The following ZNF550 variants were observed in gnomAD, a reference collection of about 807,000 sequenced individuals.
ZNF550 encodes zinc finger protein 550.
Under a neutral mutation model 40.2 loss-of-function variants are expected in ZNF550, and 42 were observed. The ratio of observed to expected loss-of-function variants is 1.05; its 90% CI spans 0.82 to 1.35. The LOEUF is 1.35. Ranked by LOEUF, ZNF550 falls within the 40% of genes most tolerant of loss-of-function variation. The pLI is 0.00. For missense variants in ZNF550, 549 were observed against 525.2 expected (o/e 1.05, Z -0.44); for synonymous variants, 223 against 198.6 (o/e 1.12, Z -1.03).
exon 1 of ZNF550, chr19:57,559,706 G>C: frequency 6.8e-7 from 1 of 1,473,790 alleles, no homozygotes; most frequent in African/African-American, 1.4e-5. Flanking sequence ...GGACGAGGCC[G>C]CGTGGGGCAG....
intron 4 of ZNF550, chr19:57,544,685 G>T: frequency 1.3e-6 from 1 of 781,912 alleles, no homozygotes; most frequent in Non-Finnish European, 1.6e-6. Context: ...ATGAAAACAT[G>T]AATATATATG....
At chr19:57,542,927 CATCTTTTTT>C (rs1169926626) in exon 5 of ZNF550, 1 of 146,552 alleles carries the variant, frequency 6.8e-6, no homozygotes, top group Non-Finnish European at 1.5e-5. Context: ...ACGACTCCAA[CATCTTTTTT>C]GGAGACACAA....
In ZNF550 at chr19:57,557,752, C is replaced by T. The variant is rs566479799; in HGVS notation, c.28-1395G>A. Among the ~76,000 whole-genome samples the T allele has an allele frequency of 3.0e-4, 46 of 152,252 alleles. 1 individual carries two copies. The East Asian group carries it at 3.3e-3, about 11-fold the overall frequency. On this transcript the variant is annotated intron_variant, in intron 1 of 4. Transcript: ENST00000457177. ...CCTGCCAGGCTAAGGCTTCCTTAGC[C>T]GTGGTAAAGCAAATAAAGGCCTGAC...
exon 4 of ZNF550, chr19:57,547,835 T>C: frequency 6.2e-7 from 1 of 1,614,138 alleles, no homozygotes; most frequent in South Asian, 1.1e-5. Flanking sequence ...ACTTTACCTT[T>C]CTGCATTTCC....
chr19:57,556,977 G>A lies in ZNF550; in HGVS notation c.28-620C>T, dbSNP rs142269688. ...AAAGTCATCGCCATTCTCCCGTCTC[G>A]GGTACCCAGGGACACAATGCACTGC... On this transcript the variant is annotated intron_variant, in intron 1 of 4. Transcript: ENST00000457177. 1.8e-3 allele frequency: 281 copies of A among 152,702 alleles called. 1 individual carries two copies. The highest frequency in any genetic ancestry group is 2.8e-3 in the Non-Finnish European group (189 of 68,424). 9.5% of individuals were successfully genotyped at this position (152,702 alleles called of 1,614,324 possible).
rs183472177 is a variant in ZNF550, at chr19:57,547,402, T to C, written c.842A>G (p.His281Arg). The change falls in exon 4 of 5, where the codon CAC (histidine) becomes CGC (arginine). Residue 281 changes from histidine to arginine, a missense_variant. By Grantham distance (29) the His-to-Arg change is conservative. Transcript: ENST00000457177. ...ACACTCATAGGGTTTCTCTCCAGTG[T>C]GGATTGGATGGTGCTGCATGAGGTA... 122 of 1,613,462 alleles carry C rather than the reference T, an allele frequency of 7.6e-5. 1 individual carries two copies. Among genetic ancestry groups the C allele is most frequent in the Non-Finnish European group, 8.5e-7 (1 of 1,179,656 alleles).
At chr19:57,555,071 A>G (rs908382978) in intron 2 of ZNF550, 4 of 152,180 alleles carry the variant, frequency 2.6e-5, no homozygotes, top group Non-Finnish European at 4.4e-5. Flanking sequence ...ATCAATTCTA[A>G]TAACTTCTTT....
intron 3 of ZNF550, 75 bp from the exon 4 acceptor site, chr19:57,548,068 T>A: frequency 7.4e-7 from 1 of 1,358,288 alleles, no homozygotes; most frequent in East Asian, 2.3e-5. Flanking sequence ...ACCACTTCAG[T>A]AGGAAAATGA....
At chr19:57,546,355 A>G (rs2090009334) in intron 4 of ZNF550, 3 of 401,110 alleles carry the variant, frequency 7.5e-6, no homozygotes, top group African/African-American at 2.2e-5. Context: ...TGTTAAAAAA[A>G]AAAAAAAGGA....
upstream of ZNF550, chr19:57,559,974 A>G (rs2090157347): frequency 8.0e-6 from 3 of 376,456 alleles, no homozygotes; most frequent in Admixed American, 9.0e-5. Flanking sequence ...TTCCTTTTTT[A>G]TTATGCACAC....
chr19:57,544,550 C>T, intron 4 of ZNF550: 1 of 985,346 alleles, frequency 1.0e-6, no homozygotes, highest in Non-Finnish European at 1.2e-6. Context: ...AGTCAACTCT[C>T]CTTCCCACAG....
intron 4 of ZNF550, chr19:57,544,373 G>A (rs2089989382): frequency 1.0e-6 from 1 of 985,276 alleles, no homozygotes; most frequent in African/African-American, 1.7e-5. Context: ...GGACAAACTG[G>A]GGCCTAGGTC....
chr19:57,546,785 G>A (rs763985271), exon 4 of ZNF550: 27 of 1,374,498 alleles, frequency 2.0e-5, no homozygotes, highest in African/African-American at 1.7e-4. Flanking sequence ...TACATTCACT[G>A]TATTCACAGG....
intron 2 of ZNF550, chr19:57,553,317 C>T (rs1273718094): frequency 6.6e-6 from 1 of 152,294 alleles, no homozygotes; most frequent in Admixed American, 6.5e-5. Flanking sequence ...ACACCCACTG[C>T]CCATGACCTC....
intron 3 of ZNF550, among the ~76,000 whole-genome samples, chr19:57,550,497 A>G (rs893471836): frequency 6.6e-6 from 1 of 152,228 alleles, no homozygotes. Context: ...CATATAGGAT[A>G]AACCCAGCTC....
At chr19:57,547,267 T>C (rs560070583) in exon 4 of ZNF550, 158 of 1,613,794 alleles carry the variant, frequency 9.8e-5, no homozygotes, top group Middle Eastern at 1.6e-4. Flanking sequence ...GTGGGCTCTA[T>C]TGCTAAAGGC....
chr19:57,546,434 A>G (rs749641074), intron 4 of ZNF550: 53 of 960,682 alleles, frequency 5.5e-5, no homozygotes, highest in Non-Finnish European at 6.2e-5. Context: ...GGAAGTCTGT[A>G]AGGACATAAA....
At chr19:57,543,479 T>TTC (rs1177376162) in intron 4 of ZNF550, 1 of 418,294 alleles carries the variant, frequency 2.4e-6, no homozygotes, top group East Asian at 1.6e-4. Context: ...CCGTCCACAT[T>TTC]TCCTCTGTGA....
intron 1 of ZNF550, among the ~76,000 whole-genome samples, chr19:57,557,767 A>G (rs1485510253): frequency 1.3e-5 from 2 of 152,198 alleles, no homozygotes; most frequent in African/African-American, 4.8e-5. Context: ...TAAAGCAAAT[A>G]AAGGCCTGAC....
Sources: allele counts gnomAD v4.1 joint callset (sites outside exome capture counted in the v4.1 genomes callset), GRCh38; gene constraint gnomAD v4.1.1; transcripts MANE v1.5; gene names NCBI Gene and HGNC (gene_info 2026-07-23, HGNC 2026-07-21).